SLC37A1: variants seen among roughly 807,000 people sequenced by gnomAD.
The protein encoded by SLC37A1 is glucose-6-phosphate exchanger SLC37A1.
A neutral mutation model predicts 75.3 loss-of-function variants in SLC37A1; 49 were observed. The ratio of observed to expected loss-of-function variants is 0.65; its 90% CI spans 0.52 to 0.83. SLC37A1 has a LOEUF of 0.83. Among genes scored for constraint, SLC37A1 ranks in the 40% least tolerant of loss-of-function variants. The pLI is 0.00. For synonymous variants in SLC37A1, 268 were observed against 292.1 expected (o/e 0.92, Z 0.84); for missense variants, 566 against 695.0 (o/e 0.81, Z 2.09).
intron 17 of SLC37A1, among the ~76,000 whole-genome samples, chr21:42,570,109 T>C (rs9982764): frequency 0.2 from 9,024 of 44,176 alleles, 1,517 homozygotes; most frequent in African/African-American, 0.36. Flanking sequence ...TGAGAAGTGG[T>C]GGGCAGGGTG....
At chr21:42,571,618 G>T (rs374467363) in intron 17 of SLC37A1, among the ~76,000 whole-genome samples, 1 of 151,960 alleles carries the variant, frequency 6.6e-6, no homozygotes, top group Non-Finnish European at 1.5e-5. Flanking sequence ...TTCATCATCT[G>T]AACGTCATCA....
At chr21:42,557,627 G>A (rs964693382) in intron 10 of SLC37A1, among the ~76,000 whole-genome samples, 12 of 152,242 alleles carry the variant, frequency 7.9e-5, no homozygotes, top group Middle Eastern at 3.2e-3. Flanking sequence ...GCACGTAGAC[G>A]CTGGGCTGCC....
intron 9 of SLC37A1, among the ~76,000 whole-genome samples, 160 bp from the exon 10 acceptor site, chr21:42,553,900 CTG>C (rs1418889282): frequency 1.3e-5 from 2 of 152,210 alleles, no homozygotes; most frequent in Non-Finnish European, 2.9e-5. Flanking sequence ...ATCTGAGAGT[CTG>C]GAGTGTTGAG....
chr21:42,557,267 C>T (rs898320027), intron 10 of SLC37A1, among the ~76,000 whole-genome samples: 5 of 152,360 alleles, frequency 3.3e-5, no homozygotes, highest in East Asian at 3.9e-4. Flanking sequence ...GAGTGGAACT[C>T]GCCTGGGGCT....
rs769257079 is a variant in SLC37A1 at position 42,559,014 on chromosome 21, CCACGTCGT to C, written c.909_916del (p.Val304SerfsTer55). The C allele has an allele frequency of 1.9e-6, 3 of 1,613,938 alleles. No homozygotes were observed. Among genetic ancestry groups the C allele is most frequent in the Non-Finnish European group, 2.5e-6 (3 of 1,179,962 alleles). On this transcript the variant is annotated frameshift_variant, in exon 11 of 20. Coordinates refer to ENST00000352133, the MANE Select transcript of SLC37A1 (RefSeq NM_001320537.2). LOFTEE classifies it high-confidence loss of function. ...ATGGGAAGGGCTCCATCCACCCGAA[CCACGTCGT>C]CATTCTCCCCGGGGACGGTGGGAGT...
chr21:42,572,743 T>C (rs1377739445), intron 17 of SLC37A1, among the ~76,000 whole-genome samples: 2 of 147,440 alleles, frequency 1.4e-5, no homozygotes, highest in East Asian at 2.0e-4. Context: ...TGGGGGGAGG[T>C]TCAACTTAGT....
At chr21:42,534,432 T>C (rs228055) in intron 3 of SLC37A1, among the ~76,000 whole-genome samples, 120,131 of 152,060 alleles carry the variant, frequency 0.79, 48,347 homozygotes, top group African/African-American at 0.85. Context: ...GCTCGTCTTC[T>C]GGTGGCATAT....
At chr21:42,577,405 AT>A (rs1369768168) in intron 18 of SLC37A1, among the ~76,000 whole-genome samples, 1 of 152,268 alleles carries the variant, frequency 6.6e-6, no homozygotes, top group Non-Finnish European at 1.5e-5. Context: ...AATATTTACT[AT>A]CTAGACCTTT....
intron 14 of SLC37A1, among the ~76,000 whole-genome samples, chr21:42,565,562 C>T (rs974066228): frequency 1.3e-5 from 2 of 152,204 alleles, no homozygotes; most frequent in African/African-American, 4.8e-5. Flanking sequence ...CTCAGGAAGG[C>T]TGCCCTTGGC....
At chr21:42,575,111 T>C in intron 18 of SLC37A1, 196 bp downstream of exon 18, 1 of 985,486 alleles carries the variant, frequency 1.0e-6, no homozygotes. Flanking sequence ...AGCAGGACAG[T>C]CTTGCTCTGC....
chr21:42,568,188 A>G (rs916818770), intron 16 of SLC37A1, among the ~76,000 whole-genome samples, 172 bp from the exon 17 acceptor site: 11 of 152,286 alleles, frequency 7.2e-5, no homozygotes, highest in Middle Eastern at 3.4e-3. Context: ...ACTCTTAAAA[A>G]CCCTTGAAGT....
intron 3 of SLC37A1, among the ~76,000 whole-genome samples, chr21:42,533,126 G>C (rs2055034502): frequency 6.6e-6 from 1 of 152,164 alleles, no homozygotes; most frequent in African/African-American, 2.4e-5. Flanking sequence ...GCTGCTGCCT[G>C]CCTGGGCACT....
Position 42,547,618 on chromosome 21 carries a change from T to C in SLC37A1, c.768+478T>C, listed in dbSNP as rs899743955. 1.3e-5 allele frequency: 2 copies of C among 158,470 alleles called. No individual in the cohort carries two copies. Among genetic ancestry groups the C allele is most frequent in the Non-Finnish European group, 2.8e-5 (2 of 72,282 alleles). 9.8% of individuals were successfully genotyped at this position (158,470 alleles called of 1,614,324 possible). A position where few individuals can be genotyped will look rare whatever the true frequency, so the allele number is the denominator to read the frequency against. ...CTGCAGGCAGGATTGCTGACCACGT[T>C]GGCTGCCATGAATGAGCCCTGCCCT... On this transcript the variant is annotated intron_variant, in intron 9 of 19. Coordinates refer to ENST00000352133, the MANE Select transcript of SLC37A1 (RefSeq NM_001320537.2). This position sits in a 1 kb window ranked among gnomAD's most constrained non-coding sequence, Gnocchi z 6.1.
At chr21:42,534,871 T>C (rs1352716926) in intron 4 of SLC37A1, 41 bp downstream of exon 4, 1 of 1,598,730 alleles carries the variant, frequency 6.3e-7, no homozygotes, top group Non-Finnish European at 8.5e-7. Context: ...GAAGCGGCTG[T>C]CCTTCCAGCC....
At chr21:42,544,672 G>A (rs918194797) in intron 8 of SLC37A1, among the ~76,000 whole-genome samples, 6 of 152,222 alleles carry the variant, frequency 3.9e-5, no homozygotes, top group Non-Finnish European at 7.3e-5. Flanking sequence ...GCCTGAGCAG[G>A]GGCCTCCTGG....
chr21:42,539,450 G>A (rs1204512580), intron 5 of SLC37A1, 62 bp from the exon 6 acceptor site: 8 of 1,541,520 alleles, frequency 5.2e-6, no homozygotes, highest in African/African-American at 4.1e-5. Flanking sequence ...AAACAGCCAC[G>A]AGGTTGCTAA....
intron 6 of SLC37A1, among the ~76,000 whole-genome samples, chr21:42,540,849 T>G (rs890938492): frequency 1.3e-5 from 2 of 152,202 alleles, no homozygotes; most frequent in African/African-American, 2.4e-5. Context: ...CAATTCACAC[T>G]TGTGTAGTAA....
intron 10 of SLC37A1, among the ~76,000 whole-genome samples, chr21:42,557,163 G>A (rs74364610): frequency 0.14 from 21,513 of 152,230 alleles, 2,193 homozygotes; most frequent in African/African-American, 0.28. Flanking sequence ...GCCTCGTTCC[G>A]CTTGACTTTT....
Position 42,543,569 on chromosome 21 carries a change from A to C in SLC37A1, c.697A>C (p.Met233Leu). The C allele has an allele frequency of 6.2e-7, 1 of 1,612,650 alleles. No individual in the cohort carries two copies. The change falls in exon 8 of 20, where the codon ATG becomes CTG. Residue 233 changes from methionine (M) to leucine (L), a missense_variant. Coordinates refer to ENST00000352133, the MANE Select transcript of SLC37A1 (RefSeq NM_001320537.2). ...CGTGCCTGGAGCCATCGTGGCAGCC[A>C]TGGGGATAGTGTGCTTTCTCTTCCT... ...FVVPGAIVAA[M>L]GIVCFLFLIE... is the part of the protein sequence containing the mutation.
Sources: gnomAD v4.1 joint callset for allele counts (sites outside exome capture counted in the v4.1 genomes callset) on GRCh38, gnomAD v4.1.1 for gene constraint, Gnocchi (gnomAD v3.1) non-coding constraint, MANE v1.5 for transcripts, NCBI Gene and HGNC (gene_info 2026-07-23, HGNC 2026-07-21) for gene names.